Variants in INSR observed in about 807,000 individuals in gnomAD.
INSR encodes the protein insulin receptor, also known as IR.
Under a neutral mutation model 142.6 loss-of-function variants are expected in INSR, and 67 were observed. That is an observed-to-expected ratio of 0.47 (90% CI 0.39 to 0.58). INSR has a LOEUF of 0.58. Ranked by LOEUF, INSR falls within the 20% of genes least tolerant of loss-of-function variation. INSR has a pLI of 0.00. For synonymous variants in INSR, 756 were observed against 743.1 expected, an observed-to-expected ratio of 1.02 and a Z score of -0.28; for missense variants, 1,248 against 1,833.2, an observed-to-expected ratio of 0.68 and a Z score of 5.83.
intron 2 of INSR, among the ~76,000 whole-genome samples, chr19:7,207,092 C>T (rs999177669): frequency 2.6e-5 from 4 of 152,098 alleles, no homozygotes; most frequent in African/African-American, 4.8e-5. Context: ...GAACTTGAAC[C>T]ACCAGTGAAT....
chr19:7,289,431 A>T (rs1968431817), intron 1 of INSR, among the ~76,000 whole-genome samples: 1 of 143,186 alleles, frequency 7.0e-6, no homozygotes. Flanking sequence ...TTTGAGACAG[A>T]GTCTCTCTCT....
chr19:7,250,458 GAAGAAAAGAAAGA>G (rs962452275), intron 2 of INSR, among the ~76,000 whole-genome samples: 195 of 83,412 alleles, frequency 2.3e-3, no homozygotes, highest in Non-Finnish European at 4.6e-3. Context: ...GAAAGAAAAG[GAAGAAAAGAAAGA>G]AAGAAAAGAA....
intron 9 of INSR, among the ~76,000 whole-genome samples, chr19:7,162,186 G>T (rs1464109840): frequency 2.0e-5 from 3 of 151,960 alleles, no homozygotes; most frequent in Non-Finnish European, 2.9e-5. Context: ...AATTAGCCGG[G>T]TGTGGTGGCA....
intron 10 of INSR, among the ~76,000 whole-genome samples, chr19:7,151,162 C>CTTTCTTTCTT (rs1359040007): frequency 0.014 from 657 of 45,858 alleles, 7 homozygotes; most frequent in African/African-American, 0.021. Context: ...TTCTTTCTTT[C>CTTTCTTTCTT]TCTTTCTTTC....
chr19:7,213,341 C>CAA (rs11343255), intron 2 of INSR, among the ~76,000 whole-genome samples: 17,692 of 100,384 alleles, frequency 0.18, 1,892 homozygotes, highest in Non-Finnish European at 0.24. Context: ...GACTCCATCT[C>CAA]AAAAAAAAAA....
At chr19:7,291,166 A>G (rs1219194652) in intron 1 of INSR, among the ~76,000 whole-genome samples, 3 of 152,134 alleles carry the variant, frequency 2.0e-5, no homozygotes, top group Non-Finnish European at 4.4e-5. Context: ...CAGCCCATTT[A>G]TTTGACAGGA....
At chr19:7,137,555 A>T (rs1273124907) in intron 13 of INSR, among the ~76,000 whole-genome samples, 1 of 152,104 alleles carries the variant, frequency 6.6e-6, no homozygotes. Flanking sequence ...TGGGATGCCA[A>T]GGTGGGTGGA....
chr19:7,151,399 C>T (rs989881299), intron 10 of INSR, among the ~76,000 whole-genome samples: 16 of 151,456 alleles, frequency 1.1e-4, no homozygotes, highest in African/African-American at 3.2e-4. Flanking sequence ...CCTCAGCCTC[C>T]GGAGTAGCTG....
chr19:7,193,884 T>TAG (rs1974666454), intron 2 of INSR, among the ~76,000 whole-genome samples: 1 of 152,030 alleles, frequency 6.6e-6, no homozygotes, highest in South Asian at 2.1e-4. Context: ...ATACATTTGG[T>TAG]AGAGATGAGG....
At chr19:7,153,580 CTA>C (rs1362937184) in intron 9 of INSR, among the ~76,000 whole-genome samples, 2 of 151,694 alleles carry the variant, frequency 1.3e-5, no homozygotes, top group African/African-American at 4.8e-5. Context: ...AAGCCAGACA[CTA>C]TGGTTCACGC....
chr19:7,273,795 G>C (rs1390498082), intron 1 of INSR, among the ~76,000 whole-genome samples: 1 of 151,902 alleles, frequency 6.6e-6, no homozygotes, highest in Non-Finnish European at 1.5e-5. Context: ...GGGATTACAG[G>C]CGTGAGCCAC....
intron 1 of INSR, among the ~76,000 whole-genome samples, chr19:7,276,824 G>A (rs192632548): frequency 7.9e-5 from 12 of 152,146 alleles, no homozygotes; most frequent in Non-Finnish European, 1.3e-4. Context: ...TCCATCTCCC[G>A]GGTTCAAGCG....
intron 1 of INSR, among the ~76,000 whole-genome samples, chr19:7,289,405 C>CT (rs777933899): frequency 0.014 from 1,812 of 130,148 alleles, 31 homozygotes; most frequent in East Asian, 0.061. Flanking sequence ...TTTTTCTTTT[C>CT]TTTTTTTTTT....
Position 7,125,522 on chromosome 19 carries a change from G to T in INSR, c.3019C>A (p.Pro1007Thr). ...PEYLSASDVF[P>T]CSVYVPDEWE... ...TCGTCCGGCACGTACACAGAGCATG[G>T]AAACACTACTTCTTACTTATCTACA... Residue 1007 changes from proline to threonine, a missense_variant, in exon 17 of 22, where the codon CCA (proline) becomes ACA (threonine). Pro to Thr is a conservative substitution (Grantham distance 38). This residue lies in a region of INSR where 1,069 missense variants were observed against 1,654.0 expected (regional missense o/e 0.65). Transcript: ENST00000302850. This position sits in a 1 kb window ranked among gnomAD's most constrained non-coding sequence, Gnocchi z 4.9. 1 of 1,613,380 alleles carries T rather than the reference G, an allele frequency of 6.2e-7. No homozygotes were observed. Among genetic ancestry groups the T allele is most frequent in the South Asian group, 1.1e-5 (1 of 91,068 alleles).
Position 7,142,798 on chromosome 19 carries a change from C to T in INSR, c.2542+18G>A, listed in dbSNP as rs753166556. 1 of 1,613,526 alleles carries T rather than the reference C, an allele frequency of 6.2e-7. No homozygotes were observed. The highest frequency in any genetic ancestry group is 8.5e-7 in the Non-Finnish European group (1 of 1,180,026). ...ATGTCCCACCCATGACACTCGGACC[C>T]CGGAGCAGCAGCCCTACCTTCAGGC... On this transcript the variant is annotated intron_variant, in intron 12 of 21. Coordinates refer to ENST00000302850, the MANE Select transcript of INSR (RefSeq NM_000208.4).
intron 13 of INSR, among the ~76,000 whole-genome samples, chr19:7,135,605 C>T (rs545734469): frequency 5.3e-5 from 8 of 149,550 alleles, no homozygotes; most frequent in East Asian, 3.9e-4. Flanking sequence ...ATTTTTTTAA[C>T]GGGAGATACT....
rs57473640 is a variant in INSR at position 7,114,909 on chromosome 19, G to GT, written c.*2146dup. 109,497 of 149,946 alleles carry GT rather than the reference G, an allele frequency of 0.73. 40,289 individuals carry two copies. Among genetic ancestry groups the GT allele is most frequent in the African/African-American group, 0.83 (33,847 of 40,978 alleles). 9.3% of individuals were successfully genotyped at this position (149,946 alleles called of 1,614,324 possible). On this transcript the variant is annotated 3_prime_UTR_variant, in exon 22 of 22. Coordinates refer to ENST00000302850, the MANE Select transcript of INSR (RefSeq NM_000208.4). ...GAGAACAAAATACCTAGTTCTACGT[G>GT]TTTTTTTTTTAAATTTAGGTACAGA...
Position 7,147,236 on chromosome 19 carries a change from G to A in INSR, c.2267+3261C>T, listed in dbSNP as rs530438042. On this transcript the variant is annotated intron_variant, in intron 11 of 21. Transcript: ENST00000302850. ...GTTGCCCAGGCTGGAGGGCAGTGGC[G>A]TGATCTCGGCTCACTGCAACCTCCA... Among the ~76,000 whole-genome samples, 27 of 151,748 alleles carry A rather than the reference G, an allele frequency of 1.8e-4. No homozygotes were observed. In the South Asian group the frequency reaches 5.2e-3, roughly 29 times the overall value.
chr19:7,162,958 C>G, intron 9 of INSR, 74 bp downstream of exon 9: 1 of 1,481,320 alleles, frequency 6.8e-7, no homozygotes, highest in Non-Finnish European at 9.4e-7. Flanking sequence ...AGCTGCTTCC[C>G]TAGAGGTGAA....
Sources: allele counts gnomAD v4.1 joint callset (sites outside exome capture counted in the v4.1 genomes callset), GRCh38; gene constraint gnomAD v4.1.1; regional missense constraint gnomAD v4.1.1; non-coding constraint Gnocchi (gnomAD v3.1); transcripts MANE v1.5; gene names NCBI Gene and HGNC (gene_info 2026-07-23, HGNC 2026-07-21).